FCHSD2: variants seen among roughly 807,000 people sequenced by gnomAD.
FCHSD2 encodes F-BAR and double SH3 domains protein 2.
A neutral mutation model predicts 108.1 loss-of-function variants in FCHSD2; 38 were observed. The ratio of observed to expected loss-of-function variants is 0.35; its 90% confidence interval spans 0.27 to 0.46. The LOEUF is 0.46. Among genes scored for constraint, FCHSD2 ranks in the 20% least tolerant of loss-of-function variants. The pLI is 1.00. For synonymous variants in FCHSD2, 279 were observed against 314.7 expected (o/e 0.89, Z 1.20); for missense variants, 751 against 897.8 (o/e 0.84, Z 2.09).
intron 2 of FCHSD2, among the ~76,000 whole-genome samples, chr11:73,128,304 A>C (rs1391779920): frequency 6.6e-6 from 1 of 152,134 alleles, no homozygotes; most frequent in East Asian, 1.9e-4. Context: ...CTTTTATGGG[A>C]ACCTCTAGGA....
At chr11:73,087,429 A>G (rs1311030500) in intron 2 of FCHSD2, among the ~76,000 whole-genome samples, 1 of 152,108 alleles carries the variant, frequency 6.6e-6, no homozygotes, top group Non-Finnish European at 1.5e-5. Context: ...TTTTTGGGCC[A>G]GGTGTGGTGG....
At chr11:73,029,995 T>C (rs1488135440) in intron 3 of FCHSD2, among the ~76,000 whole-genome samples, 2 of 152,110 alleles carry the variant, frequency 1.3e-5, no homozygotes, top group Admixed American at 6.5e-5. Context: ...AGTCACCACC[T>C]TATTAGATTC....
Position 73,001,151 on chromosome 11 carries a change from A to T in FCHSD2, c.243-17T>A. The T allele has an allele frequency of 6.2e-7, 1 of 1,610,822 alleles. No individual in the cohort carries two copies. Among genetic ancestry groups the T allele is most frequent in the Non-Finnish European group, 8.5e-7 (1 of 1,178,532 alleles). ...TACATGCTCCTAAATTCAAAGAGGG[A>T]TAGAAAAGCATTAGGCAGGGAACAG... On this transcript the variant is annotated splice_polypyrimidine_tract_variant and intron_variant, in intron 4 of 19. Coordinates refer to ENST00000409418, the MANE Select transcript of FCHSD2 (RefSeq NM_014824.3).
intron 2 of FCHSD2, among the ~76,000 whole-genome samples, chr11:73,125,724 A>G (rs1010252635): frequency 7.2e-5 from 11 of 152,198 alleles, no homozygotes; most frequent in South Asian, 4.1e-4. Flanking sequence ...ACACAATGTC[A>G]TATCTTAGAA....
intron 8 of FCHSD2, among the ~76,000 whole-genome samples, chr11:72,925,424 G>C (rs756642311): frequency 2.0e-4 from 31 of 152,136 alleles, no homozygotes; most frequent in Non-Finnish European, 3.5e-4. Context: ...TACTTGGGAG[G>C]CTGAGGCAGG....
intron 2 of FCHSD2, among the ~76,000 whole-genome samples, chr11:73,084,682 A>G (rs1384111156): frequency 2.0e-5 from 3 of 152,254 alleles, no homozygotes; most frequent in Admixed American, 2.0e-4. Flanking sequence ...GCATGGGCCA[A>G]CGTGCTTAGC....
intron 2 of FCHSD2, among the ~76,000 whole-genome samples, chr11:73,113,653 T>C (rs1042723673): frequency 6.6e-6 from 1 of 152,242 alleles, no homozygotes; most frequent in Non-Finnish European, 1.5e-5. Context: ...GTAGTCGTCA[T>C]AGTCTGGGCT....
intron 3 of FCHSD2, among the ~76,000 whole-genome samples, chr11:73,042,336 T>C (rs775936818): frequency 2.6e-5 from 4 of 152,240 alleles, no homozygotes; most frequent in Non-Finnish European, 4.4e-5. Context: ...ATATAAGTTA[T>C]TGGCACCTTT....
chr11:72,981,844 G>A (rs1224587336), intron 8 of FCHSD2, among the ~76,000 whole-genome samples: 1 of 152,196 alleles, frequency 6.6e-6, no homozygotes, highest in South Asian at 2.1e-4. Flanking sequence ...AGCTGGGTAT[G>A]GTGGCAGGCA....
intron 14 of FCHSD2, among the ~76,000 whole-genome samples, chr11:72,846,374 GT>G: frequency 6.6e-6 from 1 of 152,146 alleles, no homozygotes; most frequent in South Asian, 2.1e-4. Context: ...TAGAGACGGG[GT>G]TTCACCATGT....
In FCHSD2 at chr11:73,070,738, TA is replaced by T. The variant is rs879356154; in HGVS notation, c.165+12956del. Among the ~76,000 whole-genome samples the T allele has an allele frequency of 1.5e-3, 205 of 140,824 alleles. 2 individuals are homozygous for T. The highest frequency in any genetic ancestry group is 5.3e-3 in the East Asian group (26 of 4,910). 92.4% of individuals were successfully genotyped at this position (140,824 alleles called of 152,430 possible). A position where few individuals can be genotyped will look rare whatever the true frequency, so the allele number is the denominator to read the frequency against. ...ACCATACCCGGCCTAAATGTCAAAT[TA>T]AAAAAAAAAAAGAAATTGAACAAGT... On this transcript the variant is annotated intron_variant, in intron 3 of 19. Coordinates refer to ENST00000409418, the MANE Select transcript of FCHSD2 (RefSeq NM_014824.3).
At chr11:73,052,463 G>A (rs966916500) in intron 3 of FCHSD2, among the ~76,000 whole-genome samples, 6 of 152,006 alleles carry the variant, frequency 3.9e-5, no homozygotes, top group African/African-American at 1.5e-4. Flanking sequence ...AATTAATAGT[G>A]TAATTGTGAA....
At chr11:73,035,205 C>CGTAT (rs1462469984) in intron 3 of FCHSD2, among the ~76,000 whole-genome samples, 1 of 89,766 alleles carries the variant, frequency 1.1e-5, no homozygotes, top group Non-Finnish European at 2.7e-5. Context: ...TATGTATGTA[C>CGTAT]GTACTAAGAC....
chr11:73,111,166 T>C (rs1464299072), intron 2 of FCHSD2, among the ~76,000 whole-genome samples: 1 of 152,196 alleles, frequency 6.6e-6, no homozygotes, highest in Non-Finnish European at 1.5e-5. Context: ...GGATGAAATG[T>C]TCTGTAACTA....
intron 2 of FCHSD2, among the ~76,000 whole-genome samples, chr11:73,115,046 G>A (rs772393603): frequency 2.0e-5 from 3 of 152,128 alleles, no homozygotes; most frequent in African/African-American, 4.8e-5. Context: ...GTTTATGTAG[G>A]GCCTACAGCA....
At chr11:72,900,446 G>A in intron 10 of FCHSD2, 1 of 662,544 alleles carries the variant, frequency 1.5e-6, no homozygotes. Context: ...AAAGATTTAG[G>A]GCTGCAGTTG....
In FCHSD2 at chr11:72,875,967, T is replaced by C. The variant is rs1011582232; in HGVS notation, c.1147-7941A>G. ...GCCATCACAGCTGAGCCCAGCCCTC[T>C]GGCCAGTCCTCTAGCTGAAAGTAAT... On this transcript the variant is annotated intron_variant, in intron 12 of 19. Coordinates refer to ENST00000409418, the MANE Select transcript of FCHSD2 (RefSeq NM_014824.3). Among the ~76,000 whole-genome samples the C allele has an allele frequency of 7.9e-5, 12 of 152,332 alleles. No homozygotes were observed. The South Asian group carries it at 2.1e-3, about 26-fold the overall frequency.
At position 72,980,906 on chromosome 11, in the gene FCHSD2, ACAAAT is replaced by A. The variant is rs543686243; in HGVS notation, c.705+3177_705+3181del. Among the ~76,000 whole-genome samples the A allele has an allele frequency of 3.1e-3, 466 of 152,230 alleles. 1 individual carries two copies. The highest frequency in any genetic ancestry group is 0.011 in the African/African-American group (446 of 41,538). On this transcript the variant is annotated intron_variant, in intron 8 of 19. Transcript: ENST00000409418. ...CTCTTAAATGTGTATGATTAAACCA[ACAAAT>A]CAAATACCCTGCTTTTAAGCTACCC...
At chr11:72,965,914 T>G (rs1209328525) in intron 8 of FCHSD2, among the ~76,000 whole-genome samples, 1 of 152,202 alleles carries the variant, frequency 6.6e-6, no homozygotes. Flanking sequence ...GGGAAATGAA[T>G]GAACTACAGT....
Sources: gnomAD v4.1 joint callset for allele counts (sites outside exome capture counted in the v4.1 genomes callset) on GRCh38, gnomAD v4.1.1 for gene constraint, MANE v1.5 for transcripts, NCBI Gene and HGNC (gene_info 2026-07-23, HGNC 2026-07-21) for gene names.